The following GPC6 variants were observed in gnomAD, a reference collection of about 807,000 sequenced individuals.
GPC6 encodes glypican-6.
In GPC6, 14 loss-of-function variants were observed where a neutral mutation model predicts 55.2. The observed-to-expected ratio is 0.25, with a 90% confidence interval of 0.17 to 0.40. The LOEUF (loss-of-function observed/expected upper bound fraction) is 0.40, where lower values mean the gene tolerates loss of function less well. Ranked by LOEUF, GPC6 falls within the 10% of genes least tolerant of loss-of-function variation. GPC6 has a pLI of 1.00. For missense variants in GPC6, 641 were observed against 708.5 expected (o/e 0.90, Z 1.08); for synonymous variants, 278 against 259.6 (o/e 1.07, Z -0.68).
At chr13:93,252,684 C>T (rs916591731) in intron 1 of GPC6, among the ~76,000 whole-genome samples, 1 of 152,170 alleles carries the variant, frequency 6.6e-6, no homozygotes, top group Non-Finnish European at 1.5e-5. Context: ...CTCAAATTGC[C>T]TCTAAGATGT....
rs148456310 is a variant in GPC6, at chr13:93,441,685, C to T, written c.161-103578C>T. Among the ~76,000 whole-genome samples the T allele has an allele frequency of 1.7e-4, 26 of 152,262 alleles. 1 individual carries two copies. The highest frequency in any genetic ancestry group is 6.3e-4 in the African/African-American group (26 of 41,552). On this transcript the variant is annotated intron_variant, in intron 1 of 8. Coordinates refer to ENST00000377047, the MANE Select transcript of GPC6 (RefSeq NM_005708.5). ...GGTAGTTTCTTTTGTTGTGCAAAAG[C>T]TCTTTAGTTTAATTAGATCCCGTTT...
At chr13:93,448,444 T>C (rs1360385663) in intron 1 of GPC6, among the ~76,000 whole-genome samples, 1 of 152,214 alleles carries the variant, frequency 6.6e-6, no homozygotes, top group Non-Finnish European at 1.5e-5. Flanking sequence ...TTTCAGAATA[T>C]GTCCCTGTCA....
chr13:93,569,971 T>G (rs1310146260), intron 2 of GPC6, among the ~76,000 whole-genome samples: 1 of 152,088 alleles, frequency 6.6e-6, no homozygotes, highest in Admixed American at 6.6e-5. Flanking sequence ...AATCGGTCAT[T>G]ACTCATTGTT....
At chr13:93,348,673 G>C (rs1312752436) in intron 1 of GPC6, among the ~76,000 whole-genome samples, 2 of 152,152 alleles carry the variant, frequency 1.3e-5, no homozygotes, top group South Asian at 2.1e-4. Flanking sequence ...GTTTGGAAAA[G>C]ATTTTGTCTT....
At chr13:93,248,021 C>A (rs1187219570) in intron 1 of GPC6, among the ~76,000 whole-genome samples, 1 of 152,112 alleles carries the variant, frequency 6.6e-6, no homozygotes, top group Non-Finnish European at 1.5e-5. Flanking sequence ...ATCAGTTACT[C>A]GGCCTGGGCT....
intron 3 of GPC6, among the ~76,000 whole-genome samples, chr13:93,882,966 A>G (rs920626253): frequency 2.6e-5 from 4 of 152,180 alleles, no homozygotes; most frequent in African/African-American, 7.2e-5. Context: ...TATTACGTCA[A>G]TCTTACCAGA....
chr13:93,789,645 A>G (rs1395098634), intron 2 of GPC6, among the ~76,000 whole-genome samples: 2 of 103,522 alleles, frequency 1.9e-5, no homozygotes, highest in South Asian at 3.3e-4. Context: ...ATATATATAT[A>G]GTATTCGGTT....
At chr13:94,237,511 A>T (rs1261491009) in intron 4 of GPC6, among the ~76,000 whole-genome samples, 1 of 152,110 alleles carries the variant, frequency 6.6e-6, no homozygotes, top group Non-Finnish European at 1.5e-5. Context: ...CTTGGATTGG[A>T]TAGGTAGCAA....
chr13:94,004,785 G>A (rs1423542134), intron 3 of GPC6, among the ~76,000 whole-genome samples: 13 of 152,036 alleles, frequency 8.6e-5, no homozygotes, highest in Admixed American at 2.0e-4. Context: ...AGCTGGGTGC[G>A]GTGGCTCATA....
intron 2 of GPC6, among the ~76,000 whole-genome samples, chr13:93,685,124 G>T (rs189408463): frequency 9.9e-5 from 15 of 152,226 alleles, no homozygotes; most frequent in Non-Finnish European, 1.6e-4. Context: ...TATTTTAATT[G>T]CAAAAGTCTA....
In GPC6 at chr13:94,148,263, A is replaced by AG. The variant is rs1019012010; in HGVS notation, c.877+120370dup. Among the ~76,000 whole-genome samples the AG allele has an allele frequency of 9.5e-4, 144 of 152,306 alleles. 1 individual carries two copies. Among genetic ancestry groups the AG allele is most frequent in the African/African-American group, 3.0e-3 (124 of 41,574 alleles). On this transcript the variant is annotated intron_variant, in intron 4 of 8. Transcript: ENST00000377047. Reference sequence around the variant, plus strand: ...GCAGTTATTTTTATTGAAGTATTAAAGCAATTGGCTTGAGTCATCTTGGAA... The same window carrying AG: ...GCAGTTATTTTTATTGAAGTATTAAAGGCAATTGGCTTGAGTCATCTTGGAA...
intron 2 of GPC6, among the ~76,000 whole-genome samples, chr13:93,546,324 G>A (rs1874785084): frequency 6.6e-6 from 1 of 152,154 alleles, no homozygotes; most frequent in African/African-American, 2.4e-5. Context: ...GTTTAGGAAA[G>A]GTTGGCCAAA....
At chr13:93,322,539 C>T (rs954162280) in intron 1 of GPC6, among the ~76,000 whole-genome samples, 7 of 143,260 alleles carry the variant, frequency 4.9e-5, no homozygotes, top group Admixed American at 7.6e-5. Flanking sequence ...TGGGTTCAAG[C>T]GATTCTCCTG....
chr13:94,317,999 T>C (rs1326464465), intron 6 of GPC6, among the ~76,000 whole-genome samples: 1 of 152,222 alleles, frequency 6.6e-6, no homozygotes, highest in Admixed American at 6.5e-5. Flanking sequence ...TTTATATAAA[T>C]GTTTGTGATT....
chr13:93,677,022 A>G (rs1288214519), intron 2 of GPC6, among the ~76,000 whole-genome samples: 2 of 152,122 alleles, frequency 1.3e-5, no homozygotes, highest in Non-Finnish European at 2.9e-5. Context: ...TGTTCCTTCA[A>G]GTGTGTTTTG....
chr13:93,801,524 C>T (rs958966573), intron 2 of GPC6, among the ~76,000 whole-genome samples: 4 of 152,116 alleles, frequency 2.6e-5, no homozygotes, highest in African/African-American at 4.8e-5. Flanking sequence ...CCTGCTCACT[C>T]GCCCAAATCC....
intron 2 of GPC6, among the ~76,000 whole-genome samples, chr13:93,669,314 T>A (rs1881267758): frequency 6.6e-6 from 1 of 152,198 alleles, no homozygotes; most frequent in East Asian, 1.9e-4. Flanking sequence ...TAAAACTTCC[T>A]ACCTTGTGAA....
At chr13:93,341,793 T>G (rs1880264408) in intron 1 of GPC6, among the ~76,000 whole-genome samples, 1 of 152,024 alleles carries the variant, frequency 6.6e-6, no homozygotes, top group African/African-American at 2.4e-5. Context: ...TTTGGCGTCT[T>G]AGTCATTATT....
intron 3 of GPC6, among the ~76,000 whole-genome samples, chr13:93,908,094 G>C (rs917832223): frequency 1.3e-5 from 2 of 152,270 alleles, no homozygotes; most frequent in African/African-American, 4.8e-5. Flanking sequence ...GAGAGAGAGA[G>C]AGTGAATCTT....
Sources: gnomAD v4.1 joint callset for allele counts (sites outside exome capture counted in the v4.1 genomes callset) on GRCh38, gnomAD v4.1.1 for gene constraint, MANE v1.5 for transcripts, NCBI Gene and HGNC (gene_info 2026-07-23, HGNC 2026-07-21) for gene names.